The following SH3PXD2A variants were observed in gnomAD, a reference collection of about 807,000 sequenced individuals.
SH3PXD2A encodes the protein SH3 and PX domains 2A.
In SH3PXD2A, 32 loss-of-function variants were observed where a neutral mutation model predicts 115.2. The observed-to-expected ratio is 0.28, with a 90% CI of 0.21 to 0.37. The LOEUF (loss-of-function observed/expected upper bound fraction) is 0.37, where lower values mean the gene tolerates loss of function less well. Ranked by LOEUF, SH3PXD2A falls within the 10% of genes least tolerant of loss-of-function variation. The pLI is 1.00. For synonymous variants in SH3PXD2A, 610 were observed against 629.1 expected (o/e 0.97, Z 0.45); for missense variants, 1,328 against 1,498.7 (o/e 0.89, Z 1.88).
intron 1 of SH3PXD2A, among the ~76,000 whole-genome samples, chr10:103,833,454 C>T (rs2039501112): frequency 6.6e-6 from 1 of 151,430 alleles, no homozygotes; most frequent in Non-Finnish European, 1.5e-5. Context: ...CTCAAGTTCC[C>T]AAAGACATAT....
At position 103,597,058 on chromosome 10, in the gene SH3PXD2A, T is replaced by A. The variant is rs1363513630; in HGVS notation, c.*4758A>T. On this transcript the variant is annotated 3_prime_UTR_variant, in exon 15 of 15. Coordinates refer to ENST00000369774, the MANE Select transcript of SH3PXD2A (RefSeq NM_001394015.1). ...CCAGATTGGTACCTGTTGTGGGAAG[T>A]TTTGTCTGCAGAGAAACTTGAATAG... 1 of 152,438 alleles carries A rather than the reference T, an allele frequency of 6.6e-6. No homozygotes were observed. The highest frequency in any genetic ancestry group is 1.9e-4 in the East Asian group (1 of 5,180). 9.4% of individuals were successfully genotyped at this position (152,438 alleles called of 1,614,324 possible). A position where few individuals can be genotyped will look rare whatever the true frequency, so the allele number is the denominator to read the frequency against.
intron 1 of SH3PXD2A, among the ~76,000 whole-genome samples, chr10:103,854,220 T>C (rs1842920273): frequency 6.6e-6 from 1 of 152,222 alleles, no homozygotes; most frequent in Non-Finnish European, 1.5e-5. Context: ...GCGCCTGTTT[T>C]AACTGTTAAG....
In SH3PXD2A at chr10:103,598,117, C is replaced by T. The variant is rs201455065; in HGVS notation, c.*3699G>A. The T allele has an allele frequency of 6.6e-6, 1 of 152,646 alleles. No homozygotes were observed. The highest frequency in any genetic ancestry group is 2.4e-5 in the African/African-American group (1 of 41,454). The allele number at this position is 152,646 out of a possible 1,614,324, so 9.5% of individuals were successfully genotyped here. A position where few individuals can be genotyped will look rare whatever the true frequency, so the allele number is the denominator to read the frequency against. ...ACATCTGAAAGTGATTAAAATGATT[C>T]TATATAATGCCTTCGTCAAGATGGA... On this transcript the variant is annotated 3_prime_UTR_variant, in exon 15 of 15. Coordinates refer to ENST00000369774, the MANE Select transcript of SH3PXD2A (RefSeq NM_001394015.1).
Position 103,627,047 on chromosome 10 carries a change from A to G in SH3PXD2A, c.718+42T>C, listed in dbSNP as rs1401211756. ...GAAAGAGTGAGAGAGCTGCCTCCAG[A>G]GGCCGCGTTGCTCCCTGCCCCTTGG... On this transcript the variant is annotated intron_variant, in intron 9 of 14. Transcript: ENST00000369774. This position sits in a 1 kb window ranked among gnomAD's most constrained non-coding sequence, Gnocchi z 4.4. The G allele has an allele frequency of 1.8e-6, 2 of 1,095,112 alleles. No individual in the cohort carries two copies. Among genetic ancestry groups the G allele is most frequent in the South Asian group, 1.3e-5 (1 of 79,800 alleles). The allele number at this position is 1,095,112 out of a possible 1,614,324, so 67.8% of individuals were successfully genotyped here.
At chr10:103,609,260 G>A (rs1319274461) in intron 13 of SH3PXD2A, 1 of 152,366 alleles carries the variant, frequency 6.6e-6, no homozygotes, top group Non-Finnish European at 1.5e-5. Context: ...CTGTCCTGGA[G>A]TCTAGGGGTG....
At chr10:103,669,315 G>A (rs1185019739) in intron 6 of SH3PXD2A, among the ~76,000 whole-genome samples, 2 of 152,194 alleles carry the variant, frequency 1.3e-5, no homozygotes, top group Non-Finnish European at 2.9e-5. Context: ...TCTACTCCAG[G>A]CTCAGACAGT....
At chr10:103,788,910 C>T (rs894038868) in intron 2 of SH3PXD2A, among the ~76,000 whole-genome samples, 2 of 152,038 alleles carry the variant, frequency 1.3e-5, no homozygotes, top group Non-Finnish European at 2.9e-5. Context: ...AACTAGTGTC[C>T]CTGAGACACA....
At chr10:103,735,943 CAA>C (rs1206001599) in intron 3 of SH3PXD2A, 135 bp from the exon 4 acceptor site, 2 of 771,964 alleles carry the variant, frequency 2.6e-6, no homozygotes, top group East Asian at 4.9e-5. Context: ...GTCAAGGAAA[CAA>C]GAGAGAAACA....
At position 103,596,365 on chromosome 10, in the gene SH3PXD2A, C is replaced by T. The variant is rs185567844; in HGVS notation, c.*5451G>A. 172 of 152,598 alleles carry T rather than the reference C, an allele frequency of 1.1e-3. 3 individuals carry two copies. The highest frequency in any genetic ancestry group is 3.4e-4 in the Non-Finnish European group (23 of 68,006). The allele number at this position is 152,598 out of a possible 1,614,324, so 9.5% of individuals were successfully genotyped here. On this transcript the variant is annotated 3_prime_UTR_variant, in exon 15 of 15. Transcript: ENST00000369774. The stretch of plus-strand genomic sequence containing the variant: ...TTGGAGCCTGGGATGACTGCCTAGG[C>T]CACTTATGCTAGACCTGTTAATGCC...
chr10:103,776,436 C>T (rs4918048), intron 2 of SH3PXD2A, among the ~76,000 whole-genome samples: 5 of 125,042 alleles, frequency 4.0e-5, no homozygotes, highest in African/African-American at 8.7e-5. Flanking sequence ...GTGTGTGTGT[C>T]TGTGTGTGTG....
At chr10:103,755,247 A>G (rs1199581012) in intron 3 of SH3PXD2A, 1 of 152,170 alleles carries the variant, frequency 6.6e-6, no homozygotes, top group African/African-American at 2.4e-5. Flanking sequence ...CCTGATACTA[A>G]AAATTACCAA....
In SH3PXD2A at chr10:103,594,344, C is replaced by T. The variant is rs1389564721; in HGVS notation, c.*7472G>A. ...TCTGGAAATATTTCAGCACTCAAATCGACTGCACTGAGTTTAATGTCCTTT... is the reference window on the plus strand; with the variant it reads ...TCTGGAAATATTTCAGCACTCAAATTGACTGCACTGAGTTTAATGTCCTTT... On this transcript the variant is annotated 3_prime_UTR_variant, in exon 15 of 15. Coordinates refer to ENST00000369774, the MANE Select transcript of SH3PXD2A (RefSeq NM_001394015.1). 1.3e-5 allele frequency: 2 copies of T among 152,642 alleles called. No homozygotes were observed. Among genetic ancestry groups the T allele is most frequent in the African/African-American group, 2.4e-5 (1 of 41,454 alleles). 9.5% of individuals were successfully genotyped at this position (152,642 alleles called of 1,614,324 possible).
intron 6 of SH3PXD2A, among the ~76,000 whole-genome samples, chr10:103,690,241 G>A (rs1338784001): frequency 6.6e-6 from 1 of 152,190 alleles, no homozygotes; most frequent in Non-Finnish European, 1.5e-5. Context: ...ACTTCCAGGG[G>A]AGCTTTCTAG....
At chr10:103,831,479 AT>A (rs893567207) in intron 1 of SH3PXD2A, among the ~76,000 whole-genome samples, 1 of 151,986 alleles carries the variant, frequency 6.6e-6, no homozygotes, top group Non-Finnish European at 1.5e-5. Flanking sequence ...GGACAGAAGC[AT>A]TTTTTTTAAA....
Position 103,683,097 on chromosome 10 carries a change from C to G in SH3PXD2A, c.427+9931G>C, listed in dbSNP as rs1303293454. ...ATGCCAGGCCAGGTGTGGTGGCTCACGTCTGTAATCCCAACACTTTAGGAG... is the reference window on the plus strand; with the variant it reads ...ATGCCAGGCCAGGTGTGGTGGCTCAGGTCTGTAATCCCAACACTTTAGGAG... On this transcript the variant is annotated intron_variant, in intron 6 of 14. Coordinates refer to ENST00000369774, the MANE Select transcript of SH3PXD2A (RefSeq NM_001394015.1). Among the ~76,000 whole-genome samples, 3 of 152,060 alleles carry G rather than the reference C, an allele frequency of 2.0e-5. No homozygotes were observed. The South Asian group carries it at 6.2e-4, about 31-fold the overall frequency.
chr10:103,691,646 G>T (rs933880978), intron 6 of SH3PXD2A, among the ~76,000 whole-genome samples: 1 of 152,028 alleles, frequency 6.6e-6, no homozygotes, highest in Non-Finnish European at 1.5e-5. Context: ...CAGGTGATAG[G>T]CAAGTGCACA....
chr10:103,613,040 C>A lies in SH3PXD2A; in HGVS notation c.1071G>T (p.Gly357=). The change falls in exon 12 of 15, where the codon GGG becomes GGT. Residue 357 remains glycine (G), a synonymous_variant. Transcript: ENST00000369774. ...ISNLLNKKAS[G]DKETPPAEGE... ...CTTCGGCTGGTGGAGTTTCCTTGTC[C>A]CCAGACGCCTTCTTGTTCAGCAGGT... is the stretch of plus-strand genomic sequence containing the variant. 1 of 1,614,234 alleles carries A rather than the reference C, an allele frequency of 6.2e-7. No individual in the cohort carries two copies. Among genetic ancestry groups the A allele is most frequent in the African/African-American group, 1.3e-5 (1 of 75,060 alleles).
chr10:103,831,487 T>A (rs761980417), intron 1 of SH3PXD2A, among the ~76,000 whole-genome samples: 19 of 152,168 alleles, frequency 1.2e-4, no homozygotes, highest in Non-Finnish European at 2.6e-4. Flanking sequence ...GCATTTTTTT[T>A]AAATTGAGGC....
At chr10:103,757,241 G>A (rs75172035) in intron 3 of SH3PXD2A, among the ~76,000 whole-genome samples, 1,708 of 152,288 alleles carry the variant, frequency 0.011, 43 homozygotes, top group African/African-American at 0.039. Flanking sequence ...ACTTTCTGGT[G>A]ACTTTGCCAA....
Sources: allele counts gnomAD v4.1 joint callset (sites outside exome capture counted in the v4.1 genomes callset), GRCh38; gene constraint gnomAD v4.1.1; non-coding constraint Gnocchi (gnomAD v3.1); transcripts MANE v1.5; gene names NCBI Gene and HGNC (gene_info 2026-07-23, HGNC 2026-07-21).